The following EPB41L4A variants were observed in gnomAD, a reference collection of about 807,000 sequenced individuals.
The protein encoded by EPB41L4A is band 4.1-like protein 4A.
EPB41L4A carries 100 observed loss-of-function variants against 108.6 expected under a neutral mutation model. The ratio of observed to expected loss-of-function variants is 0.92; its 90% CI spans 0.78 to 1.09. The LOEUF (loss-of-function observed/expected upper bound fraction) is 1.09, where lower values mean the gene tolerates loss of function less well. Among genes scored for constraint, EPB41L4A ranks in the 50% least tolerant of loss-of-function variants. The pLI is 0.00. For synonymous variants in EPB41L4A, 319 were observed against 289.0 expected, an observed-to-expected ratio of 1.10 and a Z score of -1.05; for missense variants, 1,030 against 842.7, an observed-to-expected ratio of 1.22 and a Z score of -2.75.
At chr5:112,273,466 C>T (rs560010372) in intron 4 of EPB41L4A, among the ~76,000 whole-genome samples, 1 of 152,266 alleles carries the variant, frequency 6.6e-6, no homozygotes, top group East Asian at 1.9e-4. Context: ...TTTATCCCTT[C>T]TTAAAATTAA....
intron 12 of EPB41L4A, 93 bp from the exon 13 acceptor site, chr5:112,210,075 G>A: frequency 2.9e-6 from 2 of 695,980 alleles, no homozygotes; most frequent in Non-Finnish European, 4.9e-6. Context: ...TGCAATTTTA[G>A]GGACACTGTG....
intron 12 of EPB41L4A, among the ~76,000 whole-genome samples, chr5:112,231,613 G>A (rs1048925213): frequency 7.3e-5 from 11 of 150,464 alleles, no homozygotes; most frequent in Middle Eastern, 3.4e-3. Flanking sequence ...GTGAAACCCC[G>A]TCTCTACTAA....
intron 1 of EPB41L4A, among the ~76,000 whole-genome samples, chr5:112,411,873 A>C (rs1185885330): frequency 6.6e-6 from 1 of 152,192 alleles, no homozygotes; most frequent in Non-Finnish European, 1.5e-5. Context: ...TCTCAAACAC[A>C]GGTCTGATGA....
At chr5:112,309,735 A>C (rs1285087622) in intron 1 of EPB41L4A, among the ~76,000 whole-genome samples, 1 of 152,220 alleles carries the variant, frequency 6.6e-6, no homozygotes, top group Non-Finnish European at 1.5e-5. Flanking sequence ...GGCCTAATCA[A>C]ATGGGCTCTA....
intron 4 of EPB41L4A, among the ~76,000 whole-genome samples, chr5:112,274,999 T>G (rs1752525084): frequency 6.6e-6 from 1 of 152,200 alleles, no homozygotes; most frequent in South Asian, 2.1e-4. Flanking sequence ...CATCAAAATA[T>G]CCTTCCTTTA....
chr5:112,409,613 G>A (rs1005498620), intron 1 of EPB41L4A, among the ~76,000 whole-genome samples: 1 of 152,152 alleles, frequency 6.6e-6, no homozygotes, highest in African/African-American at 2.4e-5. Flanking sequence ...TTATGTCAAC[G>A]TAAAGATACT....
At chr5:112,256,629 A>T (rs1297080284) in intron 9 of EPB41L4A, among the ~76,000 whole-genome samples, 1 of 152,166 alleles carries the variant, frequency 6.6e-6, no homozygotes, top group Non-Finnish European at 1.5e-5. Context: ...AAAACTTATC[A>T]AACACCATGC....
intron 17 of EPB41L4A, among the ~76,000 whole-genome samples, chr5:112,189,446 T>C (rs548616621): frequency 6.6e-6 from 1 of 152,286 alleles, no homozygotes; most frequent in African/African-American, 2.4e-5. Flanking sequence ...TTCAATTTCA[T>C]AGTACAGGCT....
chr5:112,407,902 C>T (rs1488386264), intron 1 of EPB41L4A, among the ~76,000 whole-genome samples: 1 of 152,206 alleles, frequency 6.6e-6, no homozygotes, highest in Non-Finnish European at 1.5e-5. Flanking sequence ...GAAGATTTAA[C>T]AGTGAGCAAA....
Position 112,164,916 on chromosome 5 carries a change from A to G in EPB41L4A, c.*74T>C. 1 of 1,360,608 alleles carries G rather than the reference A, an allele frequency of 7.3e-7. No homozygotes were observed. Among genetic ancestry groups the G allele is most frequent in the South Asian group, 1.7e-5 (1 of 59,466 alleles). 84.3% of individuals were successfully genotyped at this position (1,360,608 alleles called of 1,614,324 possible). On this transcript the variant is annotated 3_prime_UTR_variant, in exon 23 of 23. Transcript: ENST00000261486. ...GCAGGTCTGAGATTTGAATTAAGAT[A>G]CCTATTTCACAGTTTCAAAAGTACC... is the stretch of plus-strand genomic sequence containing the variant.
intron 1 of EPB41L4A, among the ~76,000 whole-genome samples, chr5:112,345,754 C>CATAT (rs1007759403): frequency 7.3e-6 from 1 of 137,474 alleles, no homozygotes; most frequent in African/African-American, 2.7e-5. Context: ...CTACAGGATG[C>CATAT]ATATATATAT....
rs1749201863 is a variant in EPB41L4A at position 112,234,685 on chromosome 5, T to C, written c.1036A>G (p.Arg346Gly). ...QLPRPDQNVTRSRSKTYPKRI... is the reference protein window; with the variant it reads ...QLPRPDQNVTGSRSKTYPKRI... ...TTAGGGTAAGTCTTGCTTCGACTTC[T>C]TGTCACATTCTGATCAGGCCGGGGA... The change falls in exon 12 of 23, where the codon AGA becomes GGA. Residue 346 changes from arginine (R) to glycine (G), a missense_variant. Physicochemically the swap from Arg to Gly is moderately radical, Grantham distance 125 (BLOSUM62 -2). Transcript: ENST00000261486. 1.9e-6 allele frequency: 3 copies of C among 1,613,710 alleles called. No homozygotes were observed. Among genetic ancestry groups the C allele is most frequent in the Admixed American group, 3.3e-5 (2 of 60,000 alleles).
intron 1 of EPB41L4A, among the ~76,000 whole-genome samples, chr5:112,373,180 C>A (rs1334523298): frequency 2.0e-5 from 3 of 152,202 alleles, no homozygotes; most frequent in Non-Finnish European, 1.5e-5. Context: ...CATTTCTAAT[C>A]TCCTGGCTGT....
intron 20 of EPB41L4A, 43 bp downstream of exon 20, chr5:112,170,258 G>A: frequency 6.4e-7 from 1 of 1,568,986 alleles, no homozygotes; most frequent in Non-Finnish European, 8.8e-7. Flanking sequence ...TTACTCACAA[G>A]CACTAATAAA....
intron 12 of EPB41L4A, among the ~76,000 whole-genome samples, chr5:112,227,909 G>C (rs953328540): frequency 6.6e-6 from 1 of 152,184 alleles, no homozygotes; most frequent in East Asian, 1.9e-4. Context: ...TACCCTCAGG[G>C]GAATCATTCA....
rs142642811 is a variant in EPB41L4A at position 112,167,229 on chromosome 5, G to C, written c.1932+1510C>G. ...ATAAAAATTGAGGCTTAGAAGTTTA[G>C]CAGTATTAAAGTTACACAAGTAGTA... On this transcript the variant is annotated intron_variant, in intron 22 of 22. Coordinates refer to ENST00000261486, the MANE Select transcript of EPB41L4A (RefSeq NM_022140.5). Among the ~76,000 whole-genome samples, 429 of 151,408 alleles carry C rather than the reference G, an allele frequency of 2.8e-3. 1 individual carries two copies. The highest frequency in any genetic ancestry group is 1.0e-2 in the African/African-American group (412 of 41,232).
intron 12 of EPB41L4A, among the ~76,000 whole-genome samples, chr5:112,217,863 T>C (rs1023125559): frequency 2.0e-5 from 3 of 152,120 alleles, no homozygotes; most frequent in Non-Finnish European, 2.9e-5. Flanking sequence ...GGAATGGGTG[T>C]GGAGGAGAAA....
intron 1 of EPB41L4A, among the ~76,000 whole-genome samples, chr5:112,338,353 G>A (rs539203522): frequency 6.6e-6 from 1 of 152,176 alleles, no homozygotes; most frequent in South Asian, 2.1e-4. Context: ...GTCTGCTGGT[G>A]ACCCCCCTAC....
intron 1 of EPB41L4A, among the ~76,000 whole-genome samples, chr5:112,416,138 C>T (rs776895930): frequency 1.3e-5 from 2 of 151,912 alleles, no homozygotes; most frequent in East Asian, 1.9e-4. Flanking sequence ...TTTCTAACAT[C>T]GATGAAAAAC....
Sources: allele counts gnomAD v4.1 joint callset (sites outside exome capture counted in the v4.1 genomes callset), GRCh38; gene constraint gnomAD v4.1.1; transcripts MANE v1.5; gene names NCBI Gene and HGNC (gene_info 2026-07-23, HGNC 2026-07-21).